Variants in FHIT observed in about 807,000 individuals in gnomAD.
The protein encoded by FHIT is fragile histidine triad diadenosine triphosphatase.
In FHIT, 19 loss-of-function variants were observed where a neutral mutation model predicts 17.9. The ratio of observed to expected loss-of-function variants is 1.06; its 90% confidence interval spans 0.74 to 1.56. FHIT has a LOEUF of 1.56. Ranked by LOEUF, FHIT falls within the 40% of genes most tolerant of loss-of-function variation. The pLI, the probability that FHIT is intolerant of heterozygous loss-of-function variation, is 0.00. For missense variants in FHIT, 248 were observed against 189.2 expected (o/e 1.31, Z -1.82); for synonymous variants, 81 against 69.7 (o/e 1.16, Z -0.81).
intron 3 of FHIT, among the ~76,000 whole-genome samples, chr3:60,989,752 T>C (rs1360163172): frequency 1.3e-5 from 2 of 152,196 alleles, no homozygotes; most frequent in Non-Finnish European, 2.9e-5. Flanking sequence ...TACCATCTAA[T>C]GGTTATTGCT....
intron 5 of FHIT, among the ~76,000 whole-genome samples, chr3:60,435,175 C>A (rs2030099904): frequency 6.6e-6 from 1 of 152,154 alleles, no homozygotes; most frequent in Non-Finnish European, 1.5e-5. Flanking sequence ...CCAGTTCATA[C>A]TAGCCTTCAG....
At chr3:60,865,690 C>T (rs1353032978) in intron 3 of FHIT, among the ~76,000 whole-genome samples, 1 of 152,112 alleles carries the variant, frequency 6.6e-6, no homozygotes, top group Non-Finnish European at 1.5e-5. Context: ...TGTTATGCTA[C>T]TTAAGGCTCA....
At position 59,944,574 on chromosome 3, in the gene FHIT, T is replaced by C. The variant is rs188849211; in HGVS notation, c.280-22160A>G. The stretch of plus-strand genomic sequence containing the variant: ...AGAGTTTAAGCGCAAGTTTGTTATA[T>C]AGGGAAATTGTAAGTCACAGGGGTT... On this transcript the variant is annotated intron_variant, in intron 7 of 9. Coordinates refer to ENST00000492590, the MANE Select transcript of FHIT (RefSeq NM_002012.4). Among the ~76,000 whole-genome samples, 17 of 152,196 alleles carry C rather than the reference T, an allele frequency of 1.1e-4. No homozygotes were observed. The East Asian group carries it at 2.5e-3, about 22-fold the overall frequency.
chr3:60,182,621 A>T (rs572612209), intron 5 of FHIT, among the ~76,000 whole-genome samples: 141 of 152,126 alleles, frequency 9.3e-4, no homozygotes, highest in African/African-American at 3.2e-3. Flanking sequence ...CTACAAAAAA[A>T]TATAACAACA....
chr3:59,884,863 C>G (rs1300369506), intron 8 of FHIT, among the ~76,000 whole-genome samples: 2 of 152,184 alleles, frequency 1.3e-5, no homozygotes, highest in African/African-American at 4.8e-5. Flanking sequence ...AATATGCACT[C>G]TGTATGTCTC....
chr3:59,949,849 T>C (rs1707025046), intron 7 of FHIT, among the ~76,000 whole-genome samples: 1 of 152,216 alleles, frequency 6.6e-6, no homozygotes, highest in Non-Finnish European at 1.5e-5. Flanking sequence ...GAATTGCTGA[T>C]GGGGAACGCA....
chr3:61,239,510 CT>C (rs1482282872), intron 1 of FHIT, among the ~76,000 whole-genome samples: 1 of 152,046 alleles, frequency 6.6e-6, no homozygotes, highest in East Asian at 1.9e-4. Flanking sequence ...CTCTTTCTGT[CT>C]GGCCATTTTA....
intron 5 of FHIT, among the ~76,000 whole-genome samples, chr3:60,066,622 C>T (rs972752181): frequency 7.9e-6 from 1 of 126,410 alleles, no homozygotes; most frequent in East Asian, 2.3e-4. Flanking sequence ...GATTTTAATC[C>T]CTGACAAATT....
At chr3:60,835,425 A>G (rs1702502410) in intron 3 of FHIT, among the ~76,000 whole-genome samples, 1 of 152,226 alleles carries the variant, frequency 6.6e-6, no homozygotes. Context: ...GTTTTCAACA[A>G]ACAAGTTTTA....
At chr3:61,234,145 A>C (rs1379459900) in intron 1 of FHIT, among the ~76,000 whole-genome samples, 1 of 152,172 alleles carries the variant, frequency 6.6e-6, no homozygotes, top group Non-Finnish European at 1.5e-5. Flanking sequence ...CTCTTCTCTG[A>C]AGCTCCTGGG....
chr3:60,481,919 T>C (rs2033626845), intron 5 of FHIT, among the ~76,000 whole-genome samples: 2 of 152,272 alleles, frequency 1.3e-5, no homozygotes, highest in South Asian at 4.1e-4. Context: ...GTGTGCTGTG[T>C]TCAGGAGACC....
chr3:59,818,112 G>GAA (rs71287195), intron 8 of FHIT, among the ~76,000 whole-genome samples: 6 of 150,102 alleles, frequency 4.0e-5, no homozygotes, highest in South Asian at 4.2e-4. Flanking sequence ...ATTCTAAAAA[G>GAA]AAAAAAAAAG....
intron 5 of FHIT, among the ~76,000 whole-genome samples, chr3:60,040,234 C>T (rs945032760): frequency 2.0e-5 from 3 of 152,054 alleles, no homozygotes; most frequent in African/African-American, 7.2e-5. Flanking sequence ...CAACCTCCGC[C>T]TCCCAGGCTC....
rs530842951 is a variant in FHIT at position 60,066,924 on chromosome 3, G to A, written c.104-52772C>T. 1.2e-4 allele frequency among the ~76,000 whole-genome samples: 19 copies of A among 152,164 alleles called. No homozygotes were observed. In the South Asian group the frequency reaches 2.1e-3, roughly 17 times the overall value. On this transcript the variant is annotated intron_variant, in intron 5 of 9. Transcript: ENST00000492590. The stretch of plus-strand genomic sequence containing the variant: ...CTCCCAAAGTGCTGGGATTACAGGC[G>A]TGAGCCACTGCGCCTGACAGACAAA...
chr3:60,018,775 C>G (rs1700442163), intron 5 of FHIT, among the ~76,000 whole-genome samples: 1 of 152,048 alleles, frequency 6.6e-6, no homozygotes. Flanking sequence ...GTCAGCAGTT[C>G]AAGACCAGCC....
At chr3:59,850,956 A>G (rs1168682011) in intron 8 of FHIT, among the ~76,000 whole-genome samples, 1 of 152,216 alleles carries the variant, frequency 6.6e-6, no homozygotes, top group Non-Finnish European at 1.5e-5. Flanking sequence ...ATTATGGCCA[A>G]TACTTTCTAC....
intron 1 of FHIT, among the ~76,000 whole-genome samples, chr3:61,210,188 C>T (rs1286525767): frequency 2.6e-5 from 4 of 152,164 alleles, no homozygotes; most frequent in Admixed American, 6.5e-5. Flanking sequence ...GAGGAGTACC[C>T]GGCCGTGTGA....
chr3:60,567,476 A>C (rs564944879), intron 4 of FHIT, among the ~76,000 whole-genome samples: 10 of 152,306 alleles, frequency 6.6e-5, no homozygotes, highest in African/African-American at 2.4e-4. Context: ...TAAAGACTTA[A>C]ATGTTAGACC....
At chr3:61,124,548 T>A (rs1005628058) in intron 2 of FHIT, among the ~76,000 whole-genome samples, 2 of 152,022 alleles carry the variant, frequency 1.3e-5, no homozygotes, top group African/African-American at 4.8e-5. Context: ...GATTAGGGAG[T>A]TGGGAAGAGA....
Sources: gnomAD v4.1 joint callset for allele counts (sites outside exome capture counted in the v4.1 genomes callset) on GRCh38, gnomAD v4.1.1 for gene constraint, MANE v1.5 for transcripts, NCBI Gene and HGNC (gene_info 2026-07-23, HGNC 2026-07-21) for gene names.